CADM2: variants seen among roughly 807,000 people sequenced by gnomAD.
The protein encoded by CADM2 is immunoglobulin superfamily member 4D.
A neutral mutation model predicts 49.8 loss-of-function variants in CADM2; 12 were observed. The ratio of observed to expected loss-of-function variants is 0.24; its 90% CI spans 0.15 to 0.39. The LOEUF is 0.39. Among genes scored for constraint, CADM2 ranks in the 10% least tolerant of loss-of-function variants. The pLI, the probability that CADM2 is intolerant of heterozygous loss-of-function variation, is 1.00. For missense variants in CADM2, 378 were observed against 492.3 expected, an observed-to-expected ratio of 0.77 and a Z score of 2.20; for synonymous variants, 214 against 175.4, an observed-to-expected ratio of 1.22 and a Z score of -1.74.
chr3:85,547,447 T>A (rs1463206), intron 1 of CADM2, among the ~76,000 whole-genome samples: 77,957 of 151,934 alleles, frequency 0.51, 23,062 homozygotes, highest in East Asian at 0.85. Flanking sequence ...TTAATTATTC[T>A]GCAAGACTTG....
intron 3 of CADM2, among the ~76,000 whole-genome samples, chr3:85,845,613 C>T (rs1386501897): frequency 6.6e-6 from 1 of 152,078 alleles, no homozygotes; most frequent in East Asian, 1.9e-4. Flanking sequence ...ACATGGTAAT[C>T]CCAGGCCAGA....
chr3:85,035,578 C>T lies in CADM2; in HGVS notation c.61+75910C>T, dbSNP rs75155362. ...AGGTCTTAGATTTAAGTGTTTAATC[C>T]ATTTTCGTTTGATTTTTGTATATGG... On this transcript the variant is annotated intron_variant, in intron 1 of 9. Transcript: ENST00000383699. 2.8e-3 allele frequency among the ~76,000 whole-genome samples: 423 copies of T among 152,162 alleles called. 9 individuals are homozygous for T. The East Asian group carries it at 0.065, about 23-fold the overall frequency.
At chr3:85,952,275 C>G (rs1282138459) in intron 7 of CADM2, among the ~76,000 whole-genome samples, 2 of 150,726 alleles carry the variant, frequency 1.3e-5, no homozygotes, top group African/African-American at 4.9e-5. Flanking sequence ...TGACACTATT[C>G]TCTTGATTTT....
At chr3:85,113,320 TCCC>T (rs2038525991) in intron 1 of CADM2, among the ~76,000 whole-genome samples, 1 of 152,118 alleles carries the variant, frequency 6.6e-6, no homozygotes, top group South Asian at 2.1e-4. Flanking sequence ...TACTAACAGA[TCCC>T]AGGCAATTTA....
chr3:85,192,499 C>T (rs554459300), intron 1 of CADM2, among the ~76,000 whole-genome samples: 12 of 151,782 alleles, frequency 7.9e-5, no homozygotes, highest in South Asian at 2.1e-4. Flanking sequence ...GAGCCATACC[C>T]GGTGAGATAC....
At chr3:85,464,152 T>G (rs2107595710) in intron 1 of CADM2, among the ~76,000 whole-genome samples, 1 of 152,294 alleles carries the variant, frequency 6.6e-6, no homozygotes, top group African/African-American at 2.4e-5. Flanking sequence ...ACTTAAGCTT[T>G]ATATATTTAT....
chr3:85,949,359 C>A (rs530611941), intron 7 of CADM2, among the ~76,000 whole-genome samples: 18 of 151,184 alleles, frequency 1.2e-4, no homozygotes, highest in African/African-American at 4.1e-4. Context: ...TATGTCACAC[C>A]TTAAAGGGTT....
chr3:85,453,106 T>C lies in CADM2; in HGVS notation c.62-273416T>C, dbSNP rs370004901. Among the ~76,000 whole-genome samples the C allele has an allele frequency of 1.2e-4, 19 of 152,344 alleles. No individual in the cohort carries two copies. The South Asian group carries it at 3.7e-3, about 30-fold the overall frequency. On this transcript the variant is annotated intron_variant, in intron 1 of 9. Coordinates refer to ENST00000383699, the MANE Select transcript of CADM2 (RefSeq NM_001167675.2). Reference sequence around the variant, plus strand: ...ACTACACAGTCAGCCTTTATTTGTTTACCTGAAATAACTTTATTAGCATAT... The same window carrying C: ...ACTACACAGTCAGCCTTTATTTGTTCACCTGAAATAACTTTATTAGCATAT...
chr3:85,359,666 A>ATATATTT, intron 1 of CADM2, among the ~76,000 whole-genome samples: 6 of 26,556 alleles, frequency 2.3e-4, no homozygotes, highest in African/African-American at 5.3e-4. Flanking sequence ...ATATATATAT[A>ATATATTT]TTTTTTTTTT....
chr3:85,423,334 C>T (rs1326445316), intron 1 of CADM2, among the ~76,000 whole-genome samples: 1 of 152,112 alleles, frequency 6.6e-6, no homozygotes. Context: ...AGTATTTGGG[C>T]ATGAAAGCAG....
At chr3:85,696,896 TA>T (rs2066575130) in intron 1 of CADM2, among the ~76,000 whole-genome samples, 1 of 151,778 alleles carries the variant, frequency 6.6e-6, no homozygotes, top group Non-Finnish European at 1.5e-5. Flanking sequence ...CATCAAATTC[TA>T]AAAACTAAGA....
chr3:85,883,551 T>C, intron 4 of CADM2, 108 bp downstream of exon 4: 1 of 974,580 alleles, frequency 1.0e-6, no homozygotes, highest in South Asian at 2.4e-5. Flanking sequence ...TATGAATAGA[T>C]ATGGTTTAAT....
intron 8 of CADM2, among the ~76,000 whole-genome samples, chr3:85,979,676 A>G (rs187154181): frequency 2.0e-5 from 3 of 151,576 alleles, no homozygotes; most frequent in Non-Finnish European, 4.4e-5. Flanking sequence ...ATAACTTGCC[A>G]CTCCTCTGCA....
At chr3:85,510,063 A>G (rs774819481) in intron 1 of CADM2, among the ~76,000 whole-genome samples, 7 of 152,050 alleles carry the variant, frequency 4.6e-5, no homozygotes, top group Non-Finnish European at 1.0e-4. Context: ...TCAAATATGT[A>G]TAATGGAACA....
chr3:85,372,645 T>C (rs2107324222), intron 1 of CADM2, among the ~76,000 whole-genome samples: 2 of 152,086 alleles, frequency 1.3e-5, no homozygotes, highest in Admixed American at 1.3e-4. Flanking sequence ...ATTCAGTATT[T>C]TGCTTGTATT....
intron 1 of CADM2, among the ~76,000 whole-genome samples, chr3:85,669,177 T>G (rs1331384460): frequency 6.6e-6 from 1 of 151,406 alleles, no homozygotes; most frequent in African/African-American, 2.4e-5. Context: ...GAAAGTTTCT[T>G]TCTTCCATAA....
chr3:85,188,000 CAATG>C (rs2041105084), intron 1 of CADM2, among the ~76,000 whole-genome samples: 1 of 151,624 alleles, frequency 6.6e-6, no homozygotes, highest in Non-Finnish European at 1.5e-5. Flanking sequence ...TCACAATTAA[CAATG>C]AAAGTTATTA....
At chr3:85,315,175 A>G (rs2044434882) in intron 1 of CADM2, among the ~76,000 whole-genome samples, 3 of 152,112 alleles carry the variant, frequency 2.0e-5, no homozygotes, top group South Asian at 2.1e-4. Flanking sequence ...TGAAGTGGCT[A>G]TTCACAAGCA....
At position 85,564,167 on chromosome 3, in the gene CADM2, T is replaced by TTCTCTCTCTC. The variant is rs3086193; in HGVS notation, c.62-162332_62-162323dup. On this transcript the variant is annotated intron_variant, in intron 1 of 9. Transcript: ENST00000383699. ...CAAGTAAATAATTTAGAAAGCATGA[T>TTCTCTCTCTC]TCTCTCTCTCTCTCTCTCTCTCTCT... is the stretch of plus-strand genomic sequence containing the variant. 7.4e-3 allele frequency among the ~76,000 whole-genome samples: 1,104 copies of TTCTCTCTCTC among 149,664 alleles called. 41 individuals carry two copies. The highest frequency in any genetic ancestry group is 0.056 in the Admixed American group (844 of 14,986).
Sources: gnomAD v4.1 joint callset for allele counts (sites outside exome capture counted in the v4.1 genomes callset) on GRCh38, gnomAD v4.1.1 for gene constraint, MANE v1.5 for transcripts, NCBI Gene and HGNC (gene_info 2026-07-23, HGNC 2026-07-21) for gene names.